Variants in CABLES1 observed in about 807,000 individuals in gnomAD.
CABLES1 encodes the protein CDK5 and ABL1 enzyme substrate 1.
A neutral mutation model predicts 57.8 loss-of-function variants in CABLES1; 36 were observed. The ratio of observed to expected loss-of-function variants is 0.62; its 90% CI spans 0.48 to 0.82. The LOEUF is 0.82. Among genes scored for constraint, CABLES1 ranks in the 40% least tolerant of loss-of-function variants. The pLI is 0.00. For missense variants in CABLES1, 767 were observed against 836.6 expected (o/e 0.92, Z 1.03); for synonymous variants, 374 against 363.0 (o/e 1.03, Z -0.35).
chr18:23,192,256 C>T (rs548299773), intron 2 of CABLES1, among the ~76,000 whole-genome samples: 50 of 152,344 alleles, frequency 3.3e-4, no homozygotes, highest in African/African-American at 1.1e-3. Context: ...TTGCAGCAAA[C>T]GTGGCTGCCA....
rs1156488675 is a variant in CABLES1, at chr18:23,224,629, C to T, written c.1089-9979C>T. ...AGTTGCTCAGGCTGGAGTGCACTGG[C>T]GGGGTCTCGGCTCACTGCAAGCTCC... On this transcript the variant is annotated intron_variant, in intron 4 of 9. Transcript: ENST00000256925. 4.8e-5 allele frequency among the ~76,000 whole-genome samples: 6 copies of T among 124,856 alleles called. No homozygotes were observed. In the South Asian group the frequency reaches 8.2e-4, roughly 17 times the overall value. 81.9% of individuals were successfully genotyped at this position (124,856 alleles called of 152,430 possible).
chr18:23,195,534 C>G (rs1172142746), intron 3 of CABLES1, among the ~76,000 whole-genome samples: 1 of 152,208 alleles, frequency 6.6e-6, no homozygotes, highest in East Asian at 1.9e-4. Flanking sequence ...TAACCCACAA[C>G]AATTACAGTT....
At chr18:23,142,627 T>C (rs1270128855) in intron 1 of CABLES1, among the ~76,000 whole-genome samples, 1 of 152,228 alleles carries the variant, frequency 6.6e-6, no homozygotes, top group Non-Finnish European at 1.5e-5. Context: ...GTATCACTTA[T>C]TCATTCAACA....
At chr18:23,174,245 A>G (rs145513755) in intron 1 of CABLES1, among the ~76,000 whole-genome samples, 155 of 152,208 alleles carry the variant, frequency 1.0e-3, no homozygotes, top group African/African-American at 3.5e-3. Context: ...TTGGCTTAAC[A>G]TAATGTTTTC....
At position 23,135,888 on chromosome 18, in the gene CABLES1, C is replaced by G. The variant is rs1466081902; in HGVS notation, c.126C>G (p.Ala42=). 3.8e-6 allele frequency: 4 copies of G among 1,056,916 alleles called. No homozygotes were observed. In the South Asian group the frequency reaches 1.6e-4, roughly 43 times the overall value. 65.5% of individuals were successfully genotyped at this position (1,056,916 alleles called of 1,614,324 possible). ...AGCCCCAGCCTCAGCCCGCGGCCGC[C>G]GCGCCGGCCCAGCCGCCGCCCGAAC... The part of the protein sequence containing the change: ...PPQPQPQPAA[A]APAQPPPEPP... The change falls in exon 1 of 10, where the codon GCC becomes GCG. Residue 42 remains alanine (A), a synonymous_variant. Transcript: ENST00000256925.
At chr18:23,229,390 C>CTGGAGTAGT (rs2047550992) in intron 4 of CABLES1, among the ~76,000 whole-genome samples, 1 of 152,064 alleles carries the variant, frequency 6.6e-6, no homozygotes, top group Non-Finnish European at 1.5e-5. Flanking sequence ...CCAGCCTAGG[C>CTGGAGTAGT]AACAAGAGTA....
At chr18:23,137,045 T>A (rs1458930916) in intron 1 of CABLES1, among the ~76,000 whole-genome samples, 1 of 152,244 alleles carries the variant, frequency 6.6e-6, no homozygotes, top group Non-Finnish European at 1.5e-5. Flanking sequence ...CCTGAACTTG[T>A]AGCAGACACG....
chr18:23,164,954 G>A (rs2047031410), intron 1 of CABLES1, among the ~76,000 whole-genome samples: 1 of 151,942 alleles, frequency 6.6e-6, no homozygotes, highest in African/African-American at 2.4e-5. Flanking sequence ...TGTAGTTTTA[G>A]TAGAGACAGG....
At chr18:23,228,312 T>C (rs1029551352) in intron 4 of CABLES1, among the ~76,000 whole-genome samples, 1 of 152,186 alleles carries the variant, frequency 6.6e-6, no homozygotes, top group African/African-American at 2.4e-5. Flanking sequence ...TTACAAAAGA[T>C]GAAGTCCAGA....
intron 1 of CABLES1, among the ~76,000 whole-genome samples, chr18:23,179,143 G>T (rs750223676): frequency 4.6e-5 from 7 of 152,016 alleles, no homozygotes; most frequent in Non-Finnish European, 8.8e-5. Flanking sequence ...AAAATTAGTC[G>T]GGTATTGTGG....
At chr18:23,238,635 T>C (rs1346541494) in intron 7 of CABLES1, among the ~76,000 whole-genome samples, 1 of 152,248 alleles carries the variant, frequency 6.6e-6, no homozygotes, top group Non-Finnish European at 1.5e-5. Context: ...ATTGCCCTGA[T>C]GTCAAGGAGG....
chr18:23,154,126 T>C (rs939601649), intron 1 of CABLES1, among the ~76,000 whole-genome samples: 3 of 152,156 alleles, frequency 2.0e-5, no homozygotes, highest in Non-Finnish European at 2.9e-5. Flanking sequence ...TAGAGCAAGA[T>C]CATTAGCTTT....
chr18:23,225,509 A>T (rs974656051), intron 4 of CABLES1, among the ~76,000 whole-genome samples: 4 of 151,886 alleles, frequency 2.6e-5, no homozygotes, highest in African/African-American at 9.7e-5. Flanking sequence ...TTCTTGCTAA[A>T]TCCTACCTTT....
intron 1 of CABLES1, among the ~76,000 whole-genome samples, chr18:23,171,038 C>T (rs1225885000): frequency 8.5e-5 from 13 of 152,310 alleles, no homozygotes; most frequent in Middle Eastern, 6.8e-3. Context: ...CCTCATGATC[C>T]GCCTGCCTCG....
intron 1 of CABLES1, among the ~76,000 whole-genome samples, chr18:23,148,383 G>A (rs184512678): frequency 5.3e-5 from 8 of 152,228 alleles, no homozygotes; most frequent in African/African-American, 1.2e-4. Context: ...TGGGTGCTAC[G>A]TGGGTGCCTT....
intron 1 of CABLES1, among the ~76,000 whole-genome samples, chr18:23,147,797 C>T (rs182728813): frequency 9.9e-5 from 15 of 152,204 alleles, no homozygotes; most frequent in Non-Finnish European, 1.6e-4. Flanking sequence ...GAGCAACAAC[C>T]GGTTTTGCCC....
chr18:23,197,772 G>A (rs1293772140), intron 3 of CABLES1: 2 of 152,204 alleles, frequency 1.3e-5, no homozygotes, highest in African/African-American at 4.8e-5. Context: ...CTGGAGGGAG[G>A]TCATGTTGTG....
chr18:23,248,126 G>T (rs149453649), intron 7 of CABLES1, among the ~76,000 whole-genome samples: 1 of 152,258 alleles, frequency 6.6e-6, no homozygotes, highest in Admixed American at 6.5e-5. Flanking sequence ...CTCCAGAGCC[G>T]CAGGCTGAGC....
intron 1 of CABLES1, among the ~76,000 whole-genome samples, chr18:23,174,763 G>T (rs537039651): frequency 2.0e-5 from 3 of 146,970 alleles, no homozygotes; most frequent in South Asian, 2.2e-4. Context: ...TGAGCCCACC[G>T]CGCCCGGCCT....
Sources: gnomAD v4.1 joint callset for allele counts (sites outside exome capture counted in the v4.1 genomes callset) on GRCh38, gnomAD v4.1.1 for gene constraint, MANE v1.5 for transcripts, NCBI Gene and HGNC (gene_info 2026-07-23, HGNC 2026-07-21) for gene names.